The following TMEM131 variants were observed in gnomAD, a reference collection of about 807,000 sequenced individuals.
The protein encoded by TMEM131 is transmembrane protein 131, also known as 2610524E03Rik.
Under a neutral mutation model 211.6 loss-of-function variants are expected in TMEM131, and 66 were observed. The ratio of observed to expected loss-of-function variants is 0.31; its 90% CI spans 0.26 to 0.38. The LOEUF is 0.38. TMEM131 is among the 10% of genes least tolerant of loss of function. TMEM131 has a pLI of 1.00. For missense variants in TMEM131, 2,036 were observed against 2,299.3 expected, an observed-to-expected ratio of 0.89 and a Z score of 2.34; for synonymous variants, 844 against 841.3, an observed-to-expected ratio of 1.00 and a Z score of -0.06.
At position 97,766,622 on chromosome 2, in the gene TMEM131, G is replaced by A. The variant is rs532771180; in HGVS notation, c.4449-20C>T. On this transcript the variant is annotated intron_variant, in intron 33 of 40. Transcript: ENST00000186436. ...AATGAACTGAAAGACAATCAGGGAT[G>A]GAAAATACAAATTTATTCCTCTGTT... The A allele has an allele frequency of 2.5e-6, 4 of 1,611,894 alleles. No homozygotes were observed. The highest frequency in any genetic ancestry group is 3.3e-5 in the Admixed American group (2 of 59,894).
chr2:97,903,753 G>A (rs540691154), intron 3 of TMEM131, among the ~76,000 whole-genome samples: 1 of 152,030 alleles, frequency 6.6e-6, no homozygotes, highest in Non-Finnish European at 1.5e-5. Context: ...GCGCAATCTC[G>A]GCTCAATGCA....
chr2:97,896,449 T>C (rs796685176), intron 3 of TMEM131, among the ~76,000 whole-genome samples: 29 of 152,246 alleles, frequency 1.9e-4, no homozygotes, highest in African/African-American at 7.0e-4. Context: ...CTGTCGAATA[T>C]TGGCAGTGGA....
chr2:97,974,442 A>G (rs1308748200), intron 1 of TMEM131, among the ~76,000 whole-genome samples: 1 of 152,146 alleles, frequency 6.6e-6, no homozygotes, highest in Non-Finnish European at 1.5e-5. Context: ...GTTTAAAGAA[A>G]TAGTAAGCAA....
At chr2:97,880,908 T>C (rs899337878) in intron 4 of TMEM131, among the ~76,000 whole-genome samples, 7 of 152,060 alleles carry the variant, frequency 4.6e-5, no homozygotes, top group African/African-American at 7.2e-5. Context: ...ACATGGACAA[T>C]GGTTCACAAG....
chr2:97,900,789 C>T (rs1675821990), intron 3 of TMEM131, among the ~76,000 whole-genome samples: 1 of 152,002 alleles, frequency 6.6e-6, no homozygotes, highest in Non-Finnish European at 1.5e-5. Context: ...TAGCAACTGC[C>T]ACACTGTTTT....
intron 2 of TMEM131, among the ~76,000 whole-genome samples, chr2:97,911,034 C>T (rs984867190): frequency 1.3e-5 from 2 of 152,170 alleles, no homozygotes; most frequent in African/African-American, 4.8e-5. Flanking sequence ...AAATTTCCAC[C>T]AGCCCAAACT....
rs191616218 is a variant in TMEM131 at position 97,759,242 on chromosome 2, C to T, written c.5207-189G>A. ...CTCCAGAACTCAAACGCATAGTGCA[C>T]GAGCTGATATGCCACCAATGACATC... On this transcript the variant is annotated intron_variant, in intron 39 of 40. Coordinates refer to ENST00000186436, the MANE Select transcript of TMEM131 (RefSeq NM_015348.2). 1.7e-3 allele frequency: 1,095 copies of T among 650,800 alleles called. 7 individuals are homozygous for T. Among genetic ancestry groups the T allele is most frequent in the Non-Finnish European group, 1.3e-3 (483 of 381,656 alleles). 40.3% of individuals were successfully genotyped at this position (650,800 alleles called of 1,614,324 possible). A position where few individuals can be genotyped will look rare whatever the true frequency, so the allele number is the denominator to read the frequency against.
chr2:97,803,073 G>A (rs1055359834), intron 22 of TMEM131, among the ~76,000 whole-genome samples: 1 of 152,106 alleles, frequency 6.6e-6, no homozygotes, highest in Non-Finnish European at 1.5e-5. Context: ...GTAATCCCGC[G>A]TAAGTTTCGA....
At chr2:97,831,664 C>CTTTTTTTTTTTTT (rs11378393) in intron 11 of TMEM131, among the ~76,000 whole-genome samples, 4 of 80,630 alleles carry the variant, frequency 5.0e-5, no homozygotes, top group Non-Finnish European at 6.7e-5. Context: ...TCACATACCT[C>CTTTTTTTTTTTTT]TTTTTTTTTT....
chr2:97,793,367 G>C, intron 30 of TMEM131, 28 bp downstream of exon 30: 6 of 1,591,996 alleles, frequency 3.8e-6, no homozygotes, highest in South Asian at 1.1e-5. Context: ...TGTACACTAG[G>C]GAATTTATTG....
chr2:97,757,314 G>C lies in TMEM131; in HGVS notation c.5437C>G (p.Leu1813Val). ...GTGGTGAAGGGAAGGGCGCTGCTAA[G>C]GTTGCTGGACCAAATGGAGCTGCTG... Reference protein sequence around the residue: ...PFSSSIWSSNLSSALPFTTPA... With the variant: ...PFSSSIWSSNVSSALPFTTPA... Residue 1813 changes from leucine to valine, a missense_variant, in exon 41 of 41, where the codon CTT becomes GTT. By Grantham distance (32) the Leu-to-Val change is conservative. Around this residue, in one of 3 missense-constraint regions of TMEM131, gnomAD observed 1,623 missense variants for 1,805.9 expected, o/e 0.90. Transcript: ENST00000186436. 6.2e-7 allele frequency: 1 copy of C among 1,613,936 alleles called. No homozygotes were observed. The highest frequency in any genetic ancestry group is 1.1e-5 in the South Asian group (1 of 91,078).
At chr2:97,763,002 T>TG (rs1432261001) in intron 35 of TMEM131, 1 of 152,162 alleles carries the variant, frequency 6.6e-6, no homozygotes, top group Non-Finnish European at 1.5e-5. Flanking sequence ...AGGAAGAAGG[T>TG]GGGGGAGAGC....
intron 1 of TMEM131, among the ~76,000 whole-genome samples, chr2:97,966,930 C>A (rs1197837072): frequency 5.9e-5 from 9 of 152,064 alleles, no homozygotes; most frequent in African/African-American, 2.2e-4. Flanking sequence ...GATGACAAGA[C>A]TAATCACTTA....
intron 13 of TMEM131, 93 bp from the exon 14 acceptor site, chr2:97,814,481 C>CATA: frequency 8.3e-7 from 1 of 1,197,704 alleles, no homozygotes; most frequent in Non-Finnish European, 1.1e-6. Flanking sequence ...TAATAATTTA[C>CATA]ATTTAGCATT....
intron 1 of TMEM131, among the ~76,000 whole-genome samples, chr2:97,956,421 T>C (rs1050204241): frequency 3.3e-5 from 5 of 152,220 alleles, no homozygotes; most frequent in Non-Finnish European, 7.3e-5. Flanking sequence ...ATATTTTTAC[T>C]CCATTCTTTA....
intron 1 of TMEM131, among the ~76,000 whole-genome samples, chr2:97,956,798 T>C (rs1292595686): frequency 6.6e-6 from 1 of 152,078 alleles, no homozygotes; most frequent in Non-Finnish European, 1.5e-5. Context: ...AATTTTAAGT[T>C]AAAAAATTAT....
Position 97,863,161 on chromosome 2 carries a change from C to T in TMEM131, c.360-3734G>A, listed in dbSNP as rs553614805. On this transcript the variant is annotated intron_variant, in intron 4 of 40. Coordinates refer to ENST00000186436, the MANE Select transcript of TMEM131 (RefSeq NM_015348.2). The stretch of plus-strand genomic sequence containing the variant: ...AGAATAGTATATCTGGCAAAAATAT[C>T]CTTTCCAGCGAAAATATCCTTCAAA... Among the ~76,000 whole-genome samples the T allele has an allele frequency of 6.4e-4, 97 of 152,254 alleles. 4 individuals carry two copies. The South Asian group carries it at 0.02, about 31-fold the overall frequency.
chr2:97,799,895 T>A (rs1237503314), intron 25 of TMEM131, among the ~76,000 whole-genome samples: 2 of 152,178 alleles, frequency 1.3e-5, no homozygotes, highest in African/African-American at 4.8e-5. Context: ...TAGAGGCAGA[T>A]ATGAGAATCT....
chr2:97,958,241 C>T (rs1045584010), intron 1 of TMEM131, among the ~76,000 whole-genome samples: 6 of 152,168 alleles, frequency 3.9e-5, no homozygotes, highest in Non-Finnish European at 7.4e-5. Context: ...AAGTTGTGTG[C>T]TATTTTTCCC....
Sources: gnomAD v4.1 joint callset for allele counts (sites outside exome capture counted in the v4.1 genomes callset) on GRCh38, gnomAD v4.1.1 for gene constraint, gnomAD v4.1.1 regional missense constraint, MANE v1.5 for transcripts, NCBI Gene and HGNC (gene_info 2026-07-23, HGNC 2026-07-21) for gene names.